FRMD5: variants seen among roughly 807,000 people sequenced by gnomAD.
FRMD5 encodes the protein FERM domain-containing protein 5.
Under a neutral mutation model 69.0 loss-of-function variants are expected in FRMD5, and 20 were observed. The observed-to-expected ratio is 0.29, with a 90% CI of 0.20 to 0.42. FRMD5 has a LOEUF of 0.42. FRMD5 is among the 10% of genes least tolerant of loss of function. FRMD5 has a pLI of 1.00. For synonymous variants in FRMD5, 271 were observed against 260.1 expected (o/e 1.04, Z -0.40); for missense variants, 595 against 708.6 (o/e 0.84, Z 1.82).
At chr15:43,876,092 G>A in intron 13 of FRMD5, 2 of 1,347,752 alleles carry the variant, frequency 1.5e-6, no homozygotes, top group Non-Finnish European at 2.1e-6. Flanking sequence ...TGGCTTCCAT[G>A]ATTTTGCCAT....
chr15:43,959,302 A>G (rs1330824600), intron 1 of FRMD5, among the ~76,000 whole-genome samples: 1 of 152,248 alleles, frequency 6.6e-6, no homozygotes, highest in South Asian at 2.1e-4. Context: ...GACTAAATAA[A>G]GAGCCTTTTA....
Position 43,892,067 on chromosome 15 carries a change from G to A in FRMD5, c.642C>T (p.Asp214=), listed in dbSNP as rs750611359. The A allele has an allele frequency of 5.6e-6, 9 of 1,613,666 alleles. No homozygotes were observed. The highest frequency in any genetic ancestry group is 3.3e-5 in the South Asian group (3 of 91,070). The change falls in exon 8 of 14, where the codon GAC becomes GAT. Residue 214 remains aspartate, a splice_region_variant and synonymous_variant. Transcript: ENST00000417257. ...TYGVDPHPCK[D]VSGNAAFLAF... ...CCAGAAATGCAGCATTTCCTGACAC[G>A]TCCTGCAACACAGAAAGACTTCTCA...
chr15:44,023,320 A>T (rs562868582), intron 1 of FRMD5, among the ~76,000 whole-genome samples: 2 of 152,332 alleles, frequency 1.3e-5, no homozygotes, highest in African/African-American at 4.8e-5. Flanking sequence ...TGAGAGTTAT[A>T]ACCTGACATA....
intron 1 of FRMD5, among the ~76,000 whole-genome samples, chr15:44,035,691 T>G (rs1056735573): frequency 3.3e-5 from 5 of 152,238 alleles, no homozygotes; most frequent in African/African-American, 1.2e-4. Context: ...TGTGCCATTA[T>G]GCAAATGTTT....
At chr15:44,043,776 A>G (rs1481458644) in intron 1 of FRMD5, among the ~76,000 whole-genome samples, 1 of 152,232 alleles carries the variant, frequency 6.6e-6, no homozygotes, top group Admixed American at 6.5e-5. Flanking sequence ...AAATTAATTC[A>G]AGATGGATTA....
intron 1 of FRMD5, among the ~76,000 whole-genome samples, chr15:44,131,327 T>C (rs918217102): frequency 6.6e-6 from 1 of 151,510 alleles, no homozygotes; most frequent in African/African-American, 2.4e-5. Context: ...ATGGAGAAAA[T>C]GGAACCCCTA....
intron 1 of FRMD5, among the ~76,000 whole-genome samples, chr15:44,030,451 A>G (rs943096461): frequency 2.6e-5 from 4 of 152,218 alleles, no homozygotes; most frequent in Admixed American, 6.5e-5. Context: ...CAAGATTTAT[A>G]ATTCAGCACT....
chr15:44,194,737 T>G, intron 1 of FRMD5: 1 of 650,600 alleles, frequency 1.5e-6, no homozygotes, highest in Non-Finnish European at 2.8e-6. Context: ...ACGCGGAGAC[T>G]CGCCCCGCGG....
intron 1 of FRMD5, among the ~76,000 whole-genome samples, chr15:44,070,295 C>T (rs1454873954): frequency 6.6e-6 from 1 of 150,492 alleles, no homozygotes; most frequent in Non-Finnish European, 1.5e-5. Context: ...GGTGACAGAC[C>T]AAAACCTTAT....
In FRMD5 at chr15:44,081,772, T is replaced by G. The variant is rs201819097; in HGVS notation, c.102+113181A>C. ...AAGGTAATTTAAAAATCTACCCATT[T>G]TGGCCATTTTTGTGGCTAATGTAAA... On this transcript the variant is annotated intron_variant, in intron 1 of 13. Transcript: ENST00000417257. Among the ~76,000 whole-genome samples the G allele has an allele frequency of 4.6e-5, 7 of 152,204 alleles. No homozygotes were observed. The East Asian group carries it at 1.3e-3, about 29-fold the overall frequency.
chr15:44,165,624 TC>T (rs774017377), intron 1 of FRMD5, among the ~76,000 whole-genome samples: 12 of 152,054 alleles, frequency 7.9e-5, no homozygotes, highest in Non-Finnish European at 1.3e-4. Context: ...TCTCTTGAGC[TC>T]AGGAGTTTGA....
At chr15:43,895,722 G>T (rs1189150813) in intron 7 of FRMD5, among the ~76,000 whole-genome samples, 2 of 152,216 alleles carry the variant, frequency 1.3e-5, no homozygotes, top group African/African-American at 4.8e-5. Context: ...ATCCGCAGGG[G>T]CAGATGACAG....
intron 1 of FRMD5, among the ~76,000 whole-genome samples, chr15:44,185,097 A>G (rs1009346166): frequency 6.6e-6 from 1 of 152,216 alleles, no homozygotes; most frequent in Non-Finnish European, 1.5e-5. Flanking sequence ...GTAAGCAAAG[A>G]AAGTATTAAG....
Position 43,999,977 on chromosome 15 carries a change from T to TGC in FRMD5, c.103-75669_103-75668insGC, listed in dbSNP as rs1162150846. 2.1e-3 allele frequency among the ~76,000 whole-genome samples: 197 copies of TGC among 92,512 alleles called. 3 individuals carry two copies. The highest frequency in any genetic ancestry group is 8.0e-3 in the African/African-American group (194 of 24,356). The allele number at this position is 92,512 out of a possible 152,430, so 60.7% of individuals were successfully genotyped here. On this transcript the variant is annotated intron_variant, in intron 1 of 13. Transcript: ENST00000417257. ...GCATATATATATATATATATATATA[T>TGC]ATATATATATATGTGCCATGATTTC...
intron 1 of FRMD5, among the ~76,000 whole-genome samples, chr15:44,091,015 T>C (rs1289398620): frequency 3.3e-5 from 5 of 152,180 alleles, no homozygotes; most frequent in Admixed American, 3.3e-4. Context: ...CACCTGTTAA[T>C]GAAGTTACAC....
chr15:44,030,973 G>A (rs74489803), intron 1 of FRMD5, among the ~76,000 whole-genome samples: 8 of 148,126 alleles, frequency 5.4e-5, no homozygotes, highest in Non-Finnish European at 6.0e-5. Context: ...ACCAGAAAAA[G>A]AAAAAAAAAA....
At chr15:44,022,072 G>A (rs1595634728) in intron 1 of FRMD5, among the ~76,000 whole-genome samples, 1 of 152,050 alleles carries the variant, frequency 6.6e-6, no homozygotes, top group African/African-American at 2.4e-5. Flanking sequence ...ACTTACATGA[G>A]GTACACTCAG....
intron 4 of FRMD5, among the ~76,000 whole-genome samples, chr15:43,912,696 T>C (rs1207795575): frequency 6.6e-6 from 1 of 151,784 alleles, no homozygotes; most frequent in East Asian, 1.9e-4. Context: ...AGAATCTGTA[T>C]GTGTTGGGGG....
At chr15:44,038,520 C>CTTTGTTTTTTTTTT (rs532847181) in intron 1 of FRMD5, among the ~76,000 whole-genome samples, 1 of 63,192 alleles carries the variant, frequency 1.6e-5, no homozygotes, top group Non-Finnish European at 2.8e-5. Context: ...CTAGCCAGAG[C>CTTTGTTTTTTTTTT]TTTTTTTTTT....
Sources: gnomAD v4.1 joint callset for allele counts (sites outside exome capture counted in the v4.1 genomes callset) on GRCh38, gnomAD v4.1.1 for gene constraint, MANE v1.5 for transcripts, NCBI Gene and HGNC (gene_info 2026-07-23, HGNC 2026-07-21) for gene names.